The following STX18 variants were observed in gnomAD, a reference collection of about 807,000 sequenced individuals.
The protein encoded by STX18 is syntaxin 18, also known as syntaxin-18.
A neutral mutation model predicts 50.1 loss-of-function variants in STX18; 40 were observed. The ratio of observed to expected loss-of-function variants is 0.80; its 90% CI spans 0.62 to 1.04. STX18 has a LOEUF of 1.04. Among genes scored for constraint, STX18 ranks in the 50% least tolerant of loss-of-function variants. The pLI is 0.00. For missense variants in STX18, 410 were observed against 415.8 expected (o/e 0.99, Z 0.12); for synonymous variants, 158 against 151.8 (o/e 1.04, Z -0.30).
chr4:4,422,722 C>T (rs1448466535), intron 9 of STX18, among the ~76,000 whole-genome samples: 1 of 152,202 alleles, frequency 6.6e-6, no homozygotes, highest in African/African-American at 2.4e-5. Context: ...AAAAGGGCGA[C>T]TCCTATGAAC....
chr4:4,458,567 T>G (rs1269028119), intron 3 of STX18, among the ~76,000 whole-genome samples: 1 of 152,224 alleles, frequency 6.6e-6, no homozygotes, highest in African/African-American at 2.4e-5. Context: ...CTATTTAATG[T>G]ACTCTGTAAA....
intron 5 of STX18, chr4:4,453,674 C>G (rs1726899495): frequency 1.0e-6 from 1 of 983,518 alleles, no homozygotes; most frequent in South Asian, 4.7e-5. Context: ...AGCAAAGGCT[C>G]TGGGTAGAAA....
At chr4:4,500,993 C>T (rs989623620) in intron 1 of STX18, among the ~76,000 whole-genome samples, 25 of 151,976 alleles carry the variant, frequency 1.6e-4, no homozygotes, top group African/African-American at 4.6e-4. Context: ...GCCGAGATGG[C>T]GCCATTGCAC....
At position 4,534,534 on chromosome 4, in the gene STX18, G is replaced by A. The variant is rs1389053858; in HGVS notation, c.168+7263C>T. Among the ~76,000 whole-genome samples the A allele has an allele frequency of 2.0e-5, 3 of 152,094 alleles. No individual in the cohort carries two copies. The East Asian group carries it at 5.8e-4, about 29-fold the overall frequency. Reference sequence around the variant, plus strand: ...TCTCCCATCCAACCCTACTGTCACCGGCTCCTCAGTTTCACCTGAATTACT... The same window carrying A: ...TCTCCCATCCAACCCTACTGTCACCAGCTCCTCAGTTTCACCTGAATTACT... On this transcript the variant is annotated intron_variant, in intron 1 of 10. Coordinates refer to ENST00000306200, the MANE Select transcript of STX18 (RefSeq NM_016930.4).
intron 1 of STX18, among the ~76,000 whole-genome samples, chr4:4,514,436 A>T (rs1377767830): frequency 6.6e-6 from 1 of 152,168 alleles, no homozygotes; most frequent in African/African-American, 2.4e-5. Context: ...TTATTTCGTT[A>T]TGGCAAAAAA....
intron 1 of STX18, among the ~76,000 whole-genome samples, chr4:4,514,824 G>C (rs988760688): frequency 1.3e-5 from 2 of 151,982 alleles, no homozygotes; most frequent in South Asian, 2.1e-4. Flanking sequence ...CAGATAAGGG[G>C]GTATATGAGA....
At chr4:4,439,576 T>A (rs1303143183) in intron 5 of STX18, among the ~76,000 whole-genome samples, 1 of 123,298 alleles carries the variant, frequency 8.1e-6, no homozygotes, top group African/African-American at 3.2e-5. Context: ...CCTACCCATA[T>A]ATATACACAC....
chr4:4,538,503 G>A (rs960671717), intron 1 of STX18, among the ~76,000 whole-genome samples: 1 of 151,136 alleles, frequency 6.6e-6, no homozygotes, highest in Admixed American at 6.6e-5. Context: ...AGAAAACTAA[G>A]TGGTTTGGAA....
At chr4:4,433,532 AT>A (rs1279433145) in intron 7 of STX18, among the ~76,000 whole-genome samples, 1 of 124,176 alleles carries the variant, frequency 8.1e-6, no homozygotes, top group South Asian at 2.3e-4. Flanking sequence ...AAAAAAATAA[AT>A]TAAAAAAAAA....
At chr4:4,455,241 T>C (rs924423318) in intron 5 of STX18, among the ~76,000 whole-genome samples, 5 of 152,244 alleles carry the variant, frequency 3.3e-5, no homozygotes, top group Non-Finnish European at 7.3e-5. Context: ...TAATTTTTCA[T>C]GTTTAATAGC....
intron 1 of STX18, among the ~76,000 whole-genome samples, chr4:4,489,894 C>CA (rs1328463112): frequency 6.6e-6 from 1 of 152,094 alleles, no homozygotes; most frequent in Non-Finnish European, 1.5e-5. Flanking sequence ...TTTCTTTGGA[C>CA]AAAAAATTTA....
chr4:4,425,019 C>T, intron 8 of STX18, 145 bp downstream of exon 8: 1 of 725,046 alleles, frequency 1.4e-6, no homozygotes, highest in Non-Finnish European at 2.4e-6. Context: ...CACATGCCCA[C>T]CCCAGCCCAG....
chr4:4,443,572 T>G (rs1379426284), intron 5 of STX18, among the ~76,000 whole-genome samples: 2 of 152,278 alleles, frequency 1.3e-5, no homozygotes, highest in South Asian at 2.1e-4. Flanking sequence ...TTACCCAGAT[T>G]CAGAAACCTA....
chr4:4,477,357 T>C (rs80328250), intron 1 of STX18, among the ~76,000 whole-genome samples: 1,568 of 152,326 alleles, frequency 0.01, 18 homozygotes, highest in African/African-American at 0.036. Flanking sequence ...CCTTACTTAG[T>C]AACAACTAAA....
intron 5 of STX18, among the ~76,000 whole-genome samples, chr4:4,447,979 A>G (rs1437113550): frequency 1.3e-5 from 2 of 151,798 alleles, no homozygotes; most frequent in Non-Finnish European, 2.9e-5. Flanking sequence ...CAGGGTCTTC[A>G]GTGCTGGCCC....
At chr4:4,421,139 A>G (rs1724936834) in intron 9 of STX18, among the ~76,000 whole-genome samples, 195 bp from the exon 10 acceptor site, 1 of 152,142 alleles carries the variant, frequency 6.6e-6, no homozygotes, top group Non-Finnish European at 1.5e-5. Flanking sequence ...CCTGAAGCGT[A>G]TATCATGACA....
At chr4:4,541,311 G>C (rs1731581944) in intron 1 of STX18, among the ~76,000 whole-genome samples, 1 of 152,192 alleles carries the variant, frequency 6.6e-6, no homozygotes, top group Non-Finnish European at 1.5e-5. Context: ...GAGGAACTGA[G>C]TCCTACTTAT....
At chr4:4,439,311 T>A (rs897494496) in intron 5 of STX18, among the ~76,000 whole-genome samples, 20 of 146,430 alleles carry the variant, frequency 1.4e-4, no homozygotes, top group Non-Finnish European at 1.5e-5. Context: ...TACCCACACA[T>A]ATACACATAC....
intron 1 of STX18, among the ~76,000 whole-genome samples, chr4:4,479,598 C>G (rs150127697): frequency 2.6e-5 from 4 of 152,362 alleles, no homozygotes; most frequent in African/African-American, 9.6e-5. Flanking sequence ...TCTAAAACTA[C>G]AGGCATTCAT....
Sources: gnomAD v4.1 joint callset for allele counts (sites outside exome capture counted in the v4.1 genomes callset) on GRCh38, gnomAD v4.1.1 for gene constraint, MANE v1.5 for transcripts, NCBI Gene and HGNC (gene_info 2026-07-23, HGNC 2026-07-21) for gene names.